Variants in SNX6 observed in about 807,000 individuals in gnomAD.
The protein encoded by SNX6 is sorting nexin-6.
A neutral mutation model predicts 63.0 loss-of-function variants in SNX6; 34 were observed. The observed-to-expected ratio is 0.54, with a 90% CI of 0.41 to 0.72. The LOEUF is 0.72. Ranked by LOEUF, SNX6 falls within the 30% of genes least tolerant of loss-of-function variation. The pLI is 0.00. For missense variants in SNX6, 398 were observed against 471.4 expected, an observed-to-expected ratio of 0.84 and a Z score of 1.44; for synonymous variants, 170 against 164.2, an observed-to-expected ratio of 1.04 and a Z score of -0.27.
At chr14:34,577,491 A>G (rs1881756331) in intron 10 of SNX6, among the ~76,000 whole-genome samples, 1 of 152,192 alleles carries the variant, frequency 6.6e-6, no homozygotes, top group African/African-American at 2.4e-5. Context: ...TGCTGAAGAC[A>G]GCTAGAAAAT....
rs542484156 is a variant in SNX6, at chr14:34,621,692, A to G, written c.54+8215T>C. 7.3e-4 allele frequency among the ~76,000 whole-genome samples: 111 copies of G among 152,128 alleles called. 1 individual carries two copies. Among genetic ancestry groups the G allele is most frequent in the African/African-American group, 2.3e-3 (97 of 41,502 alleles). On this transcript the variant is annotated intron_variant, in intron 2 of 13. Transcript: ENST00000362031. Reference sequence around the variant, plus strand: ...ACCCTGTTCTTCCTTCCTACATTCTATGTTTTCTCCTTCTCCCTTGCCCAG... The same window carrying G: ...ACCCTGTTCTTCCTTCCTACATTCTGTGTTTTCTCCTTCTCCCTTGCCCAG...
At chr14:34,571,460 A>G (rs1440948076) in intron 11 of SNX6, among the ~76,000 whole-genome samples, 1 of 152,032 alleles carries the variant, frequency 6.6e-6, no homozygotes, top group Non-Finnish European at 1.5e-5. Flanking sequence ...AAAAACGGAA[A>G]GACACAGAAG....
At chr14:34,593,214 A>G in intron 7 of SNX6, 64 bp from the exon 8 acceptor site, 1 of 932,826 alleles carries the variant, frequency 1.1e-6, no homozygotes, top group Middle Eastern at 2.8e-4. Context: ...TATGTAAATA[A>G]CTATCATTAT....
Position 34,613,593 on chromosome 14 carries a change from T to C in SNX6, c.55-3851A>G, listed in dbSNP as rs965960407. On this transcript the variant is annotated intron_variant, in intron 2 of 13. Transcript: ENST00000362031. ...GAATCACGAGGTCAGGAGATCGAGA[T>C]CATCCTGGCTAACACAGTGAAACCC... 4.0e-5 allele frequency among the ~76,000 whole-genome samples: 6 copies of C among 148,484 alleles called. No individual in the cohort carries two copies. The South Asian group carries it at 8.7e-4, about 21-fold the overall frequency.
chr14:34,607,343 T>C (rs1225598660), intron 4 of SNX6, among the ~76,000 whole-genome samples: 1 of 151,944 alleles, frequency 6.6e-6, no homozygotes, highest in East Asian at 1.9e-4. Flanking sequence ...TGGCAGCTCA[T>C]GCCTGTAATC....
chr14:34,625,659 C>T (rs561100324), intron 2 of SNX6, among the ~76,000 whole-genome samples: 3 of 152,072 alleles, frequency 2.0e-5, no homozygotes, highest in South Asian at 2.1e-4. Flanking sequence ...CACCTTAACC[C>T]GGGAGGTGGA....
chr14:34,565,782 C>T (rs1325889424), intron 13 of SNX6, among the ~76,000 whole-genome samples: 2 of 152,084 alleles, frequency 1.3e-5, no homozygotes, highest in African/African-American at 2.4e-5. Context: ...CTCCGCCTCC[C>T]GGGTTCATGC....
Position 34,593,148 on chromosome 14 carries a change from A to G in SNX6, c.615T>C (p.Asp205=). 1.3e-6 allele frequency: 2 copies of G among 1,560,584 alleles called. No homozygotes were observed. Among genetic ancestry groups the G allele is most frequent in the African/African-American group, 1.4e-5 (1 of 72,838 alleles). Residue 205 remains aspartate (D), a splice_region_variant and synonymous_variant, in exon 8 of 14, where the codon GAT becomes GAC. Coordinates refer to ENST00000362031, the MANE Select transcript of SNX6 (RefSeq NM_152233.4). ...ADGVIVSGVK[D]VDDFFEHERT... is the part of the protein sequence containing the mutation. Reference sequence around the variant, plus strand: ...GTTCGTGCTCAAAGAAATCATCTACATCCTATAAGATCAAAAGAAAATATA... The same window carrying G: ...GTTCGTGCTCAAAGAAATCATCTACGTCCTATAAGATCAAAAGAAAATATA...
intron 2 of SNX6, chr14:34,629,408 T>C (rs771743525): frequency 2.2e-6 from 1 of 450,014 alleles, no homozygotes; most frequent in Non-Finnish European, 4.5e-6. Context: ...TGGACAGGAG[T>C]TGATTCGGCT....
At chr14:34,568,801 C>T in intron 11 of SNX6, 1 of 990,594 alleles carries the variant, frequency 1.0e-6, no homozygotes, top group Non-Finnish European at 1.6e-6. Context: ...CATTTTTAGC[C>T]CCTCCAGGGC....
chr14:34,613,010 C>A (rs1883288956), intron 2 of SNX6, among the ~76,000 whole-genome samples: 1 of 143,778 alleles, frequency 7.0e-6, no homozygotes, highest in Non-Finnish European at 1.5e-5. Context: ...GATCACGCCA[C>A]TGCACTCCAG....
chr14:34,606,662 G>C (rs541286244), intron 4 of SNX6, among the ~76,000 whole-genome samples: 5 of 152,264 alleles, frequency 3.3e-5, no homozygotes, highest in Admixed American at 2.6e-4. Flanking sequence ...ATGTTGGTCA[G>C]GTTGGTCTCA....
intron 2 of SNX6, among the ~76,000 whole-genome samples, chr14:34,616,820 C>A (rs1190411573): frequency 6.6e-6 from 1 of 152,052 alleles, no homozygotes; most frequent in East Asian, 1.9e-4. Flanking sequence ...TGCCTGGCAT[C>A]CCAGCACTTT....
At chr14:34,596,384 G>A (rs1882598437) in intron 7 of SNX6, among the ~76,000 whole-genome samples, 1 of 151,912 alleles carries the variant, frequency 6.6e-6, no homozygotes, top group East Asian at 2.0e-4. Flanking sequence ...ACTTTGGGAG[G>A]CCGAGGCAGA....
intron 7 of SNX6, among the ~76,000 whole-genome samples, chr14:34,595,496 A>T (rs2138326236): frequency 6.6e-6 from 1 of 152,352 alleles, no homozygotes; most frequent in South Asian, 2.1e-4. Context: ...TTAAGATCAC[A>T]CAAGAAAATG....
chr14:34,614,155 A>G (rs1883335523), intron 2 of SNX6, among the ~76,000 whole-genome samples: 1 of 151,774 alleles, frequency 6.6e-6, no homozygotes, highest in African/African-American at 2.4e-5. Context: ...GGCTGGGTGT[A>G]GCAGCTCACA....
chr14:34,607,271 CAT>C (rs1883056996), intron 4 of SNX6, among the ~76,000 whole-genome samples: 1 of 151,976 alleles, frequency 6.6e-6, no homozygotes, highest in African/African-American at 2.4e-5. Flanking sequence ...TTTAAAAAAA[CAT>C]ATCAGGCTGA....
intron 11 of SNX6, 109 bp from the exon 12 acceptor site, chr14:34,568,122 A>C: frequency 2.3e-6 from 2 of 888,566 alleles, no homozygotes; most frequent in Non-Finnish European, 3.4e-6. Context: ...CACATAGTGA[A>C]TACTACATGC....
intron 2 of SNX6, 141 bp from the exon 3 acceptor site, chr14:34,609,883 T>C (rs1326576432): frequency 1.7e-6 from 1 of 584,020 alleles, no homozygotes; most frequent in African/African-American, 1.9e-5. Flanking sequence ...TTAACATACA[T>C]ACTATATACA....
Sources: allele counts gnomAD v4.1 joint callset (sites outside exome capture counted in the v4.1 genomes callset), GRCh38; gene constraint gnomAD v4.1.1; transcripts MANE v1.5; gene names NCBI Gene and HGNC (gene_info 2026-07-23, HGNC 2026-07-21).